ZMAT4: variants seen among roughly 807,000 people sequenced by gnomAD.
ZMAT4 encodes zinc finger matrin-type protein 4.
Under a neutral mutation model 28.7 loss-of-function variants are expected in ZMAT4, and 17 were observed. The observed-to-expected ratio is 0.59, with a 90% CI of 0.41 to 0.89. The LOEUF (loss-of-function observed/expected upper bound fraction) is 0.89. ZMAT4 is among the 40% of genes least tolerant of loss of function. The pLI is 0.00. For synonymous variants in ZMAT4, 117 were observed against 109.2 expected (o/e 1.07, Z -0.44); for missense variants, 240 against 283.8 (o/e 0.85, Z 1.11).
At chr8:40,592,545 G>T (rs927477198) in intron 5 of ZMAT4, among the ~76,000 whole-genome samples, 2 of 152,178 alleles carry the variant, frequency 1.3e-5, no homozygotes, top group African/African-American at 4.8e-5. Context: ...GCAAAGCTTT[G>T]AAAATTTAAT....
chr8:40,656,468 T>C (rs1276386429), intron 5 of ZMAT4, among the ~76,000 whole-genome samples: 1 of 152,174 alleles, frequency 6.6e-6, no homozygotes, highest in Non-Finnish European at 1.5e-5. Flanking sequence ...ACTGATAGCA[T>C]ATATCCACAC....
chr8:40,771,949 G>T (rs1813405157), intron 2 of ZMAT4, among the ~76,000 whole-genome samples: 1 of 152,120 alleles, frequency 6.6e-6, no homozygotes, highest in African/African-American at 2.4e-5. Context: ...CAGGCAAACT[G>T]CCAAGTGAAA....
At chr8:40,672,143 T>G (rs542633727) in intron 5 of ZMAT4, among the ~76,000 whole-genome samples, 100 of 152,196 alleles carry the variant, frequency 6.6e-4, no homozygotes, top group Non-Finnish European at 1.2e-3. Context: ...ATGTGAGAAG[T>G]GCTATGAGAG....
At chr8:40,856,181 T>C (rs1817292443) in intron 1 of ZMAT4, among the ~76,000 whole-genome samples, 1 of 152,178 alleles carries the variant, frequency 6.6e-6, no homozygotes, top group Non-Finnish European at 1.5e-5. Context: ...GTCTTAACTC[T>C]CTAAACAGAT....
chr8:40,767,813 A>T, intron 2 of ZMAT4, 83 bp from the exon 3 acceptor site: 5 of 1,103,478 alleles, frequency 4.5e-6, no homozygotes, highest in Non-Finnish European at 6.5e-6. Context: ...CCGCAAATGC[A>T]AAAAGAAATG....
intron 2 of ZMAT4, among the ~76,000 whole-genome samples, chr8:40,804,763 C>G (rs1815002846): frequency 6.6e-6 from 1 of 151,950 alleles, no homozygotes; most frequent in Non-Finnish European, 1.5e-5. Context: ...ATTGCTTGAA[C>G]CCGGGAGGTG....
intron 5 of ZMAT4, among the ~76,000 whole-genome samples, chr8:40,622,319 A>G (rs1215411662): frequency 6.6e-6 from 1 of 152,212 alleles, no homozygotes; most frequent in East Asian, 1.9e-4. Context: ...ACTTAATGAT[A>G]CAGGAAAAGA....
intron 5 of ZMAT4, among the ~76,000 whole-genome samples, chr8:40,672,009 G>A (rs937058069): frequency 3.9e-5 from 6 of 152,066 alleles, no homozygotes; most frequent in African/African-American, 1.4e-4. Flanking sequence ...TACTCTAGGT[G>A]TTTTGAACAT....
At chr8:40,559,281 C>T (rs956378631) in intron 6 of ZMAT4, among the ~76,000 whole-genome samples, 4 of 152,146 alleles carry the variant, frequency 2.6e-5, no homozygotes, top group African/African-American at 4.8e-5. Context: ...CTTCATGTCC[C>T]TGCTTCACCT....
chr8:40,843,787 T>A lies in ZMAT4; in HGVS notation c.-4-18107A>T, dbSNP rs1387973586. 2.0e-5 allele frequency among the ~76,000 whole-genome samples: 3 copies of A among 152,194 alleles called. No homozygotes were observed. The East Asian group carries it at 5.8e-4, about 29-fold the overall frequency. ...AAGTCATCACTACATCCTGGTGGCATGAGATGGCAGAAGCTATCAGAGAAA... is the reference window on the plus strand; with the variant it reads ...AAGTCATCACTACATCCTGGTGGCAAGAGATGGCAGAAGCTATCAGAGAAA... On this transcript the variant is annotated intron_variant, in intron 1 of 6. Coordinates refer to ENST00000297737, the MANE Select transcript of ZMAT4 (RefSeq NM_024645.3).
chr8:40,824,968 G>A (rs1239538998), intron 2 of ZMAT4, among the ~76,000 whole-genome samples: 1 of 152,058 alleles, frequency 6.6e-6, no homozygotes, highest in East Asian at 1.9e-4. Flanking sequence ...ATCAAAAAGT[G>A]GTCTGTTGCT....
chr8:40,691,367 C>T (rs1809654343), intron 4 of ZMAT4, among the ~76,000 whole-genome samples: 1 of 144,688 alleles, frequency 6.9e-6, no homozygotes, highest in Non-Finnish European at 1.5e-5. Context: ...CAACAAAAGA[C>T]ACAAAATGTG....
chr8:40,699,918 G>A (rs951066397), intron 3 of ZMAT4, among the ~76,000 whole-genome samples: 4 of 152,208 alleles, frequency 2.6e-5, no homozygotes, highest in Non-Finnish European at 5.9e-5. Context: ...TCTCCCTGAA[G>A]CTCTAACTGG....
At chr8:40,655,153 A>G (rs1807859403) in intron 5 of ZMAT4, among the ~76,000 whole-genome samples, 1 of 152,006 alleles carries the variant, frequency 6.6e-6, no homozygotes, top group Non-Finnish European at 1.5e-5. Context: ...TATTTAAAAT[A>G]CAATTATATT....
chr8:40,816,911 G>C (rs937576135), intron 2 of ZMAT4, among the ~76,000 whole-genome samples: 5 of 152,168 alleles, frequency 3.3e-5, no homozygotes, highest in Admixed American at 2.0e-4. Context: ...ATTGCTTCTA[G>C]ACATCCAACC....
chr8:40,649,493 A>C (rs1807526772), intron 5 of ZMAT4, among the ~76,000 whole-genome samples: 1 of 152,162 alleles, frequency 6.6e-6, no homozygotes, highest in South Asian at 2.1e-4. Context: ...TTAACACCCC[A>C]CTGTCAACAT....
chr8:40,740,115 G>T (rs1049818439), intron 3 of ZMAT4, among the ~76,000 whole-genome samples: 1 of 152,198 alleles, frequency 6.6e-6, no homozygotes, highest in Non-Finnish European at 1.5e-5. Context: ...TCATGTGCAT[G>T]TGTCTTTAGA....
chr8:40,812,699 G>A (rs13260818), intron 2 of ZMAT4, among the ~76,000 whole-genome samples: 7,324 of 152,242 alleles, frequency 0.048, 213 homozygotes, highest in Middle Eastern at 0.075. Flanking sequence ...GGGAGGCCGA[G>A]GCGGGCGGAT....
intron 5 of ZMAT4, among the ~76,000 whole-genome samples, chr8:40,643,474 C>T (rs1807147030): frequency 6.6e-6 from 1 of 152,238 alleles, no homozygotes; most frequent in South Asian, 2.1e-4. Flanking sequence ...TTTATTGAGT[C>T]ACTAAATAAA....
Sources: allele counts gnomAD v4.1 joint callset (sites outside exome capture counted in the v4.1 genomes callset), GRCh38; gene constraint gnomAD v4.1.1; transcripts MANE v1.5; gene names NCBI Gene and HGNC (gene_info 2026-07-23, HGNC 2026-07-21).